The following TMEM132B variants were observed in gnomAD, a reference collection of about 807,000 sequenced individuals.
The protein encoded by TMEM132B is transmembrane protein 132B.
TMEM132B carries 18 observed loss-of-function variants against 90.8 expected under a neutral mutation model. That is an observed-to-expected ratio of 0.20 (90% confidence interval 0.14 to 0.29). The LOEUF is 0.29. Ranked by LOEUF, TMEM132B falls within the 10% of genes least tolerant of loss-of-function variation. TMEM132B has a pLI of 1.00. For synonymous variants in TMEM132B, 504 were observed against 523.3 expected (o/e 0.96, Z 0.50); for missense variants, 1,096 against 1,326.8 (o/e 0.83, Z 2.70).
chr12:125,439,075 G>A (rs1486546932), intron 3 of TMEM132B, among the ~76,000 whole-genome samples: 4 of 151,266 alleles, frequency 2.6e-5, no homozygotes, highest in South Asian at 2.1e-4. Context: ...GTAGTATATC[G>A]TTTGAAGTCA....
At chr12:125,523,520 T>A (rs548480822) in intron 4 of TMEM132B, among the ~76,000 whole-genome samples, 1 of 152,228 alleles carries the variant, frequency 6.6e-6, no homozygotes, top group South Asian at 2.1e-4. Flanking sequence ...TTCATCACAC[T>A]TGCAGAGATT....
In TMEM132B at chr12:125,350,066, C is replaced by G; in HGVS notation, c.682C>G (p.Pro228Ala). ...TTMELFFTLY[P>A]ADKAGQCPLE... Reference sequence around the variant, plus strand: ...GATGGAGCTCTTCTTCACGCTCTACCCAGCTGACAAGGCTGGCCAGTGTCC... The same window carrying G: ...GATGGAGCTCTTCTTCACGCTCTACGCAGCTGACAAGGCTGGCCAGTGTCC... The change falls in exon 2 of 9, where the codon CCA becomes GCA. Residue 228 changes from proline to alanine, a missense_variant. Transcript: ENST00000682704. 6.2e-7 allele frequency: 1 copy of G among 1,614,210 alleles called. No individual in the cohort carries two copies. The highest frequency in any genetic ancestry group is 1.6e-4 in the Middle Eastern group (1 of 6,062).
chr12:125,511,206 C>A (rs1337164944), intron 3 of TMEM132B, among the ~76,000 whole-genome samples: 1 of 152,186 alleles, frequency 6.6e-6, no homozygotes, highest in Non-Finnish European at 1.5e-5. Flanking sequence ...TTTTAAGGTT[C>A]ATTTGTATTG....
At chr12:125,226,214 C>G (rs939000248) in intron 1 of TMEM132B, among the ~76,000 whole-genome samples, 4 of 152,166 alleles carry the variant, frequency 2.6e-5, no homozygotes, top group Admixed American at 2.0e-4. Context: ...ACGACAGAGT[C>G]ACACAGAGTT....
chr12:125,546,941 G>T (rs1021002442), intron 4 of TMEM132B, among the ~76,000 whole-genome samples: 5 of 152,178 alleles, frequency 3.3e-5, no homozygotes, highest in African/African-American at 1.2e-4. Context: ...CAATCATGTT[G>T]GAAGGCACCT....
rs796563231 is a variant in TMEM132B at position 125,402,068 on chromosome 12, G to A, written c.960-13463G>A. Among the ~76,000 whole-genome samples the A allele has an allele frequency of 4.5e-4, 69 of 152,168 alleles. No individual in the cohort carries two copies. The Middle Eastern group carries it at 0.01, about 23-fold the overall frequency. Reference sequence around the variant, plus strand: ...GATCCGTTTAGCGGAAATATTTGAGGGCTTCTCCAGTTTCCCCAAGAGCTT... The same window carrying A: ...GATCCGTTTAGCGGAAATATTTGAGAGCTTCTCCAGTTTCCCCAAGAGCTT... On this transcript the variant is annotated intron_variant, in intron 2 of 8. Transcript: ENST00000682704.
rs991926053 is a variant in TMEM132B at position 125,206,438 on chromosome 12, A to G, written c.67+19572A>G. Among the ~76,000 whole-genome samples, 8 of 152,084 alleles carry G rather than the reference A, an allele frequency of 5.3e-5. No individual in the cohort carries two copies. In the East Asian group the frequency reaches 5.8e-4, roughly 11 times the overall value. On this transcript the variant is annotated intron_variant, in intron 1 of 8. Coordinates refer to ENST00000682704, the MANE Select transcript of TMEM132B (RefSeq NM_001366854.1). Reference sequence around the variant, plus strand: ...GTTTTAGTAGAGACAGGGTTTCACCATGTTGGCCAGGCTGGTCTTGAACTC... The same window carrying G: ...GTTTTAGTAGAGACAGGGTTTCACCGTGTTGGCCAGGCTGGTCTTGAACTC...
At chr12:125,424,495 T>C (rs1357488059) in intron 3 of TMEM132B, among the ~76,000 whole-genome samples, 3 of 152,244 alleles carry the variant, frequency 2.0e-5, no homozygotes, top group Non-Finnish European at 2.9e-5. Flanking sequence ...TGTTTGCGAA[T>C]GTTTTTCCCT....
chr12:125,303,430 G>A (rs1875883064), intron 1 of TMEM132B, among the ~76,000 whole-genome samples: 1 of 152,172 alleles, frequency 6.6e-6, no homozygotes, highest in South Asian at 2.1e-4. Flanking sequence ...GATACTATGA[G>A]TGATGCTGCT....
intron 1 of TMEM132B, among the ~76,000 whole-genome samples, chr12:125,227,866 A>G (rs906298439): frequency 9.9e-5 from 15 of 152,190 alleles, no homozygotes; most frequent in Admixed American, 8.5e-4. Context: ...GGATAACTCC[A>G]AAGTGAATCT....
intron 4 of TMEM132B, among the ~76,000 whole-genome samples, chr12:125,580,274 C>T (rs1885025740): frequency 6.6e-6 from 1 of 152,162 alleles, no homozygotes; most frequent in Admixed American, 6.5e-5. Context: ...TCATCTTTTC[C>T]TTTGAAGCTT....
At chr12:125,469,644 C>T (rs1305875066) in intron 3 of TMEM132B, among the ~76,000 whole-genome samples, 1 of 152,166 alleles carries the variant, frequency 6.6e-6, no homozygotes. Flanking sequence ...ACCCGGTTTC[C>T]AGCCCGGTGT....
intron 3 of TMEM132B, among the ~76,000 whole-genome samples, chr12:125,463,049 T>C (rs769114044): frequency 6.6e-6 from 1 of 152,320 alleles, no homozygotes; most frequent in East Asian, 1.9e-4. Flanking sequence ...AATGTTCCAA[T>C]TGTGTGAAAG....
chr12:125,441,029 A>G (rs1214808349), intron 3 of TMEM132B, among the ~76,000 whole-genome samples: 1 of 152,192 alleles, frequency 6.6e-6, no homozygotes, highest in Non-Finnish European at 1.5e-5. Context: ...GCATTTCTTG[A>G]TATCACCACT....
intron 1 of TMEM132B, among the ~76,000 whole-genome samples, chr12:125,254,894 A>G (rs1874400373): frequency 6.6e-6 from 1 of 152,072 alleles, no homozygotes; most frequent in African/African-American, 2.4e-5. Flanking sequence ...CATGTTGGGC[A>G]GGCTGATCTC....
intron 1 of TMEM132B, among the ~76,000 whole-genome samples, chr12:125,189,178 G>A (rs1219838371): frequency 2.0e-5 from 3 of 152,184 alleles, no homozygotes; most frequent in Non-Finnish European, 2.9e-5. Flanking sequence ...CCTTGCAAGT[G>A]CTTAAACATA....
chr12:125,419,247 G>T (rs761236810), intron 3 of TMEM132B, among the ~76,000 whole-genome samples: 2 of 152,192 alleles, frequency 1.3e-5, no homozygotes, highest in Non-Finnish European at 2.9e-5. Context: ...CAATCCAGCT[G>T]TTCACTGTGA....
chr12:125,424,184 TA>T (rs1465745292), intron 3 of TMEM132B, among the ~76,000 whole-genome samples: 3 of 152,244 alleles, frequency 2.0e-5, no homozygotes, highest in Non-Finnish European at 4.4e-5. Context: ...TCCTTTAAAA[TA>T]TTTTTTCTTT....
intron 1 of TMEM132B, among the ~76,000 whole-genome samples, chr12:125,257,079 G>A (rs767592869): frequency 3.1e-4 from 47 of 152,180 alleles, no homozygotes; most frequent in Non-Finnish European, 4.9e-4. Context: ...TTGGGAGGCT[G>A]AGGCAGGAGG....
Sources: gnomAD v4.1 joint callset for allele counts (sites outside exome capture counted in the v4.1 genomes callset) on GRCh38, gnomAD v4.1.1 for gene constraint, MANE v1.5 for transcripts, NCBI Gene and HGNC (gene_info 2026-07-23, HGNC 2026-07-21) for gene names.